CCSER1: variants seen among roughly 807,000 people sequenced by gnomAD.
CCSER1 encodes coiled-coil serine rich protein 1, also known as serine-rich coiled-coil domain-containing protein 1.
A neutral mutation model predicts 82.0 loss-of-function variants in CCSER1; 41 were observed. The observed-to-expected ratio is 0.50, with a 90% CI of 0.39 to 0.65. The LOEUF is 0.65. Ranked by LOEUF, CCSER1 falls within the 30% of genes least tolerant of loss-of-function variation. The probability of loss-of-function intolerance (pLI) is 0.00; values close to 1 mark genes in which losing one functional copy is unlikely to be tolerated. For missense variants in CCSER1, 1,119 were observed against 1,064.2 expected, an observed-to-expected ratio of 1.05 and a Z score of -0.72; for synonymous variants, 414 against 383.9, an observed-to-expected ratio of 1.08 and a Z score of -0.92.
chr4:90,719,429 T>C (rs1742286389), intron 6 of CCSER1, among the ~76,000 whole-genome samples: 2 of 152,156 alleles, frequency 1.3e-5, no homozygotes, highest in South Asian at 4.1e-4. Flanking sequence ...AGAAATAACG[T>C]GCACAATAAA....
chr4:90,473,902 G>T (rs1034398783), intron 5 of CCSER1, among the ~76,000 whole-genome samples: 1 of 152,170 alleles, frequency 6.6e-6, no homozygotes, highest in African/African-American at 2.4e-5. Flanking sequence ...TAATTCTTCA[G>T]TGTCTGCTTT....
At chr4:90,553,289 C>T (rs1268101947) in intron 5 of CCSER1, among the ~76,000 whole-genome samples, 3 of 152,116 alleles carry the variant, frequency 2.0e-5, no homozygotes, top group African/African-American at 7.2e-5. Flanking sequence ...TCAAATATAA[C>T]TTTAATTAAA....
intron 5 of CCSER1, among the ~76,000 whole-genome samples, chr4:90,502,271 G>C (rs1770007588): frequency 6.6e-6 from 1 of 151,934 alleles, no homozygotes; most frequent in Non-Finnish European, 1.5e-5. Flanking sequence ...AAGCAAGCAG[G>C]TCTTCATGTG....
At chr4:90,434,423 A>T (rs2153568578) in intron 4 of CCSER1, among the ~76,000 whole-genome samples, 1 of 152,218 alleles carries the variant, frequency 6.6e-6, no homozygotes, top group East Asian at 1.9e-4. Context: ...TGTGGCCATC[A>T]TTTTTTCCAG....
intron 9 of CCSER1, among the ~76,000 whole-genome samples, chr4:91,034,460 T>G (rs1741258483): frequency 6.6e-6 from 1 of 152,178 alleles, no homozygotes; most frequent in African/African-American, 2.4e-5. Context: ...ATGAGAAGCT[T>G]GAATATCCAG....
At chr4:90,474,296 T>G (rs977972166) in intron 5 of CCSER1, among the ~76,000 whole-genome samples, 1 of 152,168 alleles carries the variant, frequency 6.6e-6, no homozygotes, top group Admixed American at 6.5e-5. Context: ...AGGCTATTAG[T>G]TAACTAACTG....
At chr4:90,739,534 C>T (rs936419345) in intron 7 of CCSER1, among the ~76,000 whole-genome samples, 6 of 152,204 alleles carry the variant, frequency 3.9e-5, no homozygotes, top group African/African-American at 1.4e-4. Context: ...CAGGACTTGC[C>T]CAGGAATTGC....
chr4:90,849,233 G>T lies in CCSER1; in HGVS notation c.2094+33388G>T, dbSNP rs1001937749. Among the ~76,000 whole-genome samples, 5 of 152,182 alleles carry T rather than the reference G, an allele frequency of 3.3e-5. No homozygotes were observed. In the East Asian group the frequency reaches 5.8e-4, roughly 18 times the overall value. On this transcript the variant is annotated intron_variant, in intron 8 of 10. Coordinates refer to ENST00000509176, the MANE Select transcript of CCSER1 (RefSeq NM_001145065.2). ...CTTGTTGAATGGCTGTGACCAAAAT[G>T]CTGATAGTGATATGGATAACGAAGT...
At chr4:90,280,381 CTCCT>C (rs1728642367) in intron 1 of CCSER1, among the ~76,000 whole-genome samples, 1 of 151,792 alleles carries the variant, frequency 6.6e-6, no homozygotes, top group Non-Finnish European at 1.5e-5. Flanking sequence ...CCTTCCCTCC[CTCCT>C]TCCATCTCCT....
At chr4:90,855,911 T>A (rs1008305286) in intron 8 of CCSER1, among the ~76,000 whole-genome samples, 1 of 152,144 alleles carries the variant, frequency 6.6e-6, no homozygotes, top group African/African-American at 2.4e-5. Context: ...TGACACTCAT[T>A]CATTTCACAC....
chr4:91,560,238 T>A (rs1056256239), intron 10 of CCSER1, among the ~76,000 whole-genome samples: 1 of 151,534 alleles, frequency 6.6e-6, no homozygotes, highest in African/African-American at 2.4e-5. Flanking sequence ...TTTCTCAGTT[T>A]ACTTGACAGA....
chr4:90,536,313 C>T (rs1289591713), intron 5 of CCSER1, among the ~76,000 whole-genome samples: 1 of 152,120 alleles, frequency 6.6e-6, no homozygotes, highest in Non-Finnish European at 1.5e-5. Context: ...GGATTACAGG[C>T]GTGAGCCACC....
At chr4:90,284,332 C>T (rs1375469811) in intron 1 of CCSER1, among the ~76,000 whole-genome samples, 1 of 151,920 alleles carries the variant, frequency 6.6e-6, no homozygotes, top group South Asian at 2.1e-4. Context: ...TTTTAGTTGA[C>T]GTGATATCTT....
chr4:90,167,263 T>C (rs1662662272), intron 1 of CCSER1, among the ~76,000 whole-genome samples: 1 of 152,136 alleles, frequency 6.6e-6, no homozygotes, highest in Non-Finnish European at 1.5e-5. Flanking sequence ...AATATATTTT[T>C]CATTTACAAC....
At chr4:91,292,324 T>G (rs1743813193) in intron 10 of CCSER1, among the ~76,000 whole-genome samples, 1 of 152,080 alleles carries the variant, frequency 6.6e-6, no homozygotes, top group Non-Finnish European at 1.5e-5. Context: ...CTTGTTTGAA[T>G]AAGCTTTGTA....
intron 9 of CCSER1, among the ~76,000 whole-genome samples, chr4:90,978,572 T>A (rs1735817242): frequency 6.6e-6 from 1 of 150,834 alleles, no homozygotes; most frequent in African/African-American, 2.5e-5. Context: ...TGTCCTCACA[T>A]AGCTTCTCAA....
chr4:91,189,944 G>A (rs1019068188), intron 10 of CCSER1, among the ~76,000 whole-genome samples: 3 of 152,120 alleles, frequency 2.0e-5, no homozygotes, highest in African/African-American at 7.2e-5. Flanking sequence ...CTGCTGCAAG[G>A]ATTTTACTCT....
At chr4:91,229,029 C>T (rs1368475811) in intron 10 of CCSER1, among the ~76,000 whole-genome samples, 3 of 152,096 alleles carry the variant, frequency 2.0e-5, no homozygotes, top group Non-Finnish European at 2.9e-5. Context: ...TTGGCAACAG[C>T]AAGCTGTAGA....
In CCSER1 at chr4:91,190,327, C is replaced by A. The variant is rs1271363140; in HGVS notation, c.2217+104333C>A. Among the ~76,000 whole-genome samples, 4 of 152,072 alleles carry A rather than the reference C, an allele frequency of 2.6e-5. No individual in the cohort carries two copies. The South Asian group carries it at 8.3e-4, about 32-fold the overall frequency. The stretch of plus-strand genomic sequence containing the variant: ...CCAGAGAATCTAGCAGCATCTTATC[C>A]CTGCTCTAATGTCTTCCAATTCTCA... On this transcript the variant is annotated intron_variant, in intron 10 of 10. Coordinates refer to ENST00000509176, the MANE Select transcript of CCSER1 (RefSeq NM_001145065.2).
Sources: gnomAD v4.1 joint callset for allele counts (sites outside exome capture counted in the v4.1 genomes callset) on GRCh38, gnomAD v4.1.1 for gene constraint, MANE v1.5 for transcripts, NCBI Gene and HGNC (gene_info 2026-07-23, HGNC 2026-07-21) for gene names.